Variants in CYB5R4 observed in about 807,000 individuals in gnomAD.
The protein encoded by CYB5R4 is N-terminal cytochrome b5 and cytochrome b5 oxidoreductase domain-containing protein.
In CYB5R4, 55 loss-of-function variants were observed where a neutral mutation model predicts 70.2. The ratio of observed to expected loss-of-function variants is 0.78; its 90% CI spans 0.63 to 0.98. CYB5R4 has a LOEUF of 0.98. Ranked by LOEUF, CYB5R4 falls within the 50% of genes least tolerant of loss-of-function variation. The pLI is 0.00. For synonymous variants in CYB5R4, 197 were observed against 199.5 expected (o/e 0.99, Z 0.11); for missense variants, 562 against 612.6 (o/e 0.92, Z 0.87).
chr6:83,870,808 A>G (rs2129128740), intron 2 of CYB5R4, among the ~76,000 whole-genome samples: 1 of 152,080 alleles, frequency 6.6e-6, no homozygotes, highest in Non-Finnish European at 1.5e-5. Context: ...TAGACATTCA[A>G]AGACACGCAG....
In CYB5R4 at chr6:83,859,752, CCCGGG is replaced by C; in HGVS notation, c.-29_-25del. On this transcript the variant is annotated 5_prime_UTR_variant, in exon 1 of 16. Coordinates refer to ENST00000369681, the MANE Select transcript of CYB5R4 (RefSeq NM_016230.4). ...GGTGCTGTCCCGTCTGGCGGCGATC[CCCGGG>C]CAGGGCCCGGGGCCGGGGTTTGAAG... is the stretch of plus-strand genomic sequence containing the variant. 2 of 1,610,492 alleles carry C rather than the reference CCCGGG, an allele frequency of 1.2e-6. No homozygotes were observed. The highest frequency in any genetic ancestry group is 1.7e-6 in the Non-Finnish European group (2 of 1,178,468).
At chr6:83,871,112 G>C (rs1299793649) in intron 2 of CYB5R4, among the ~76,000 whole-genome samples, 2 of 151,876 alleles carry the variant, frequency 1.3e-5, no homozygotes, top group Non-Finnish European at 2.9e-5. Context: ...GAGTAGCTGG[G>C]ATTATAGGCG....
At chr6:83,899,518 T>G (rs1168923741) in intron 3 of CYB5R4, among the ~76,000 whole-genome samples, 1 of 152,218 alleles carries the variant, frequency 6.6e-6, no homozygotes, top group Non-Finnish European at 1.5e-5. Flanking sequence ...TTCTATTGAT[T>G]GGAATAGTTT....
At chr6:83,905,942 C>T (rs2099463692) in intron 3 of CYB5R4, among the ~76,000 whole-genome samples, 1 of 152,066 alleles carries the variant, frequency 6.6e-6, no homozygotes, top group Admixed American at 6.5e-5. Context: ...TGTCCAACCT[C>T]AGGCCCCTGG....
At chr6:83,921,230 A>T in intron 8 of CYB5R4, 55 bp downstream of exon 8, 1 of 1,371,290 alleles carries the variant, frequency 7.3e-7, no homozygotes. Context: ...TAAATATGGC[A>T]ATAACTTGGT....
intron 4 of CYB5R4, among the ~76,000 whole-genome samples, chr6:83,910,470 T>G (rs2099464505): frequency 6.6e-6 from 1 of 152,168 alleles, no homozygotes; most frequent in South Asian, 2.1e-4. Flanking sequence ...GTTGTCTGGG[T>G]AATTCTTGCC....
At chr6:83,942,715 T>C (rs2099469960) in intron 14 of CYB5R4, among the ~76,000 whole-genome samples, 1 of 152,132 alleles carries the variant, frequency 6.6e-6, no homozygotes, top group Non-Finnish European at 1.5e-5. Context: ...ATCCACTGGC[T>C]TGAAATTCTC....
At chr6:83,879,921 C>CA (rs1192577522) in intron 2 of CYB5R4, among the ~76,000 whole-genome samples, 1 of 152,058 alleles carries the variant, frequency 6.6e-6, no homozygotes, top group East Asian at 1.9e-4. Context: ...TGAAGGGGTT[C>CA]ATGTGGTTCA....
intron 3 of CYB5R4, among the ~76,000 whole-genome samples, chr6:83,904,756 T>A (rs1284550311): frequency 3.3e-5 from 5 of 152,230 alleles, no homozygotes; most frequent in Non-Finnish European, 5.9e-5. Flanking sequence ...TGGTTCTTTT[T>A]CATGACGTCT....
Position 83,919,383 on chromosome 6 carries a change from T to C in CYB5R4, c.507-14T>C, listed in dbSNP as rs181891573. 304 of 1,389,970 alleles carry C rather than the reference T, an allele frequency of 2.2e-4. 1 individual carries two copies. Among genetic ancestry groups the C allele is most frequent in the Non-Finnish European group, 1.5e-5 (15 of 1,009,902 alleles). The allele number at this position is 1,389,970 out of a possible 1,614,324, so 86.1% of individuals were successfully genotyped here. On this transcript the variant is annotated splice_polypyrimidine_tract_variant and intron_variant, in intron 6 of 15. Transcript: ENST00000369681. ...GTCAATATAATTATTCATCCTTTTA[T>C]TTATATTTTACAGCTATGATTGGTT...
At chr6:83,906,164 G>A (rs1048267744) in intron 3 of CYB5R4, among the ~76,000 whole-genome samples, 1 of 152,150 alleles carries the variant, frequency 6.6e-6, no homozygotes, top group African/African-American at 2.4e-5. Flanking sequence ...TGCCTTCAGT[G>A]GTAGGCAGCC....
chr6:83,886,022 G>A (rs893555809), intron 2 of CYB5R4, among the ~76,000 whole-genome samples: 5 of 152,130 alleles, frequency 3.3e-5, no homozygotes, highest in Non-Finnish European at 7.4e-5. Context: ...ACCTGAAACT[G>A]GGAAATTCAT....
At position 83,865,503 on chromosome 6, in the gene CYB5R4, C is replaced by A. The variant is rs1202107023; in HGVS notation, c.229+1175C>A. Among the ~76,000 whole-genome samples, 4 of 152,204 alleles carry A rather than the reference C, an allele frequency of 2.6e-5. No individual in the cohort carries two copies. The South Asian group carries it at 6.2e-4, about 24-fold the overall frequency. On this transcript the variant is annotated intron_variant, in intron 2 of 15. Coordinates refer to ENST00000369681, the MANE Select transcript of CYB5R4 (RefSeq NM_016230.4). ...TGGTTTGCTGGCAATCTTTGGAGTT[C>A]CTTGGCTTATAGAACATTACCCTAA...
chr6:83,868,565 G>T (rs2099457091), intron 2 of CYB5R4, among the ~76,000 whole-genome samples: 1 of 152,140 alleles, frequency 6.6e-6, no homozygotes, highest in African/African-American at 2.4e-5. Context: ...TTATTGTAAT[G>T]CAGTAGTAGT....
chr6:83,954,679 T>C (rs1162579979), intron 14 of CYB5R4, among the ~76,000 whole-genome samples: 1 of 152,152 alleles, frequency 6.6e-6, no homozygotes, highest in Non-Finnish European at 1.5e-5. Flanking sequence ...AGATTATTAA[T>C]AGAAATGTAG....
chr6:83,952,644 A>T (rs1438329816), intron 14 of CYB5R4, among the ~76,000 whole-genome samples: 1 of 152,158 alleles, frequency 6.6e-6, no homozygotes, highest in South Asian at 2.1e-4. Context: ...ATTAAACCTT[A>T]TATCAGTTTT....
intron 10 of CYB5R4, among the ~76,000 whole-genome samples, chr6:83,934,368 A>AT (rs1428217252): frequency 1.3e-5 from 2 of 152,164 alleles, no homozygotes; most frequent in African/African-American, 4.8e-5. Flanking sequence ...CATTAAGTTC[A>AT]TTTTTCAAGT....
At position 83,921,134 on chromosome 6, in the gene CYB5R4, C is replaced by A. The variant is rs146223274; in HGVS notation, c.617C>A (p.Ala206Glu). The change falls in exon 8 of 16, where the codon GCA becomes GAA. Residue 206 changes from alanine to glutamate, a missense_variant. Coordinates refer to ENST00000369681, the MANE Select transcript of CYB5R4 (RefSeq NM_016230.4). ...GATCATCAGAATGATTCCTTTAGAG[C>A]AGAAACAATTATTAAGGATTGTTTA... The part of the protein sequence containing the change: ...IVDHQNDSFR[A>E]ETIIKDCLYL... The A allele has an allele frequency of 2.2e-5, 33 of 1,530,622 alleles. No individual in the cohort carries two copies. The highest frequency in any genetic ancestry group is 2.8e-5 in the Non-Finnish European group (31 of 1,122,338). 94.8% of individuals were successfully genotyped at this position (1,530,622 alleles called of 1,614,324 possible).
chr6:83,956,414 T>A (rs1426013746), intron 15 of CYB5R4, among the ~76,000 whole-genome samples: 3 of 152,188 alleles, frequency 2.0e-5, no homozygotes, highest in Non-Finnish European at 4.4e-5. Context: ...GTTTAAACAT[T>A]TAAACATTTT....
Sources: gnomAD v4.1 joint callset for allele counts (sites outside exome capture counted in the v4.1 genomes callset) on GRCh38, gnomAD v4.1.1 for gene constraint, MANE v1.5 for transcripts, NCBI Gene and HGNC (gene_info 2026-07-23, HGNC 2026-07-21) for gene names.